The following FAT4 variants were observed in gnomAD, a reference collection of about 807,000 sequenced individuals.
FAT4 encodes the protein FAT atypical cadherin 4.
Under a neutral mutation model 303.9 loss-of-function variants are expected in FAT4, and 84 were observed. The ratio of observed to expected loss-of-function variants is 0.28; its 90% confidence interval spans 0.23 to 0.33. The LOEUF is 0.33. Ranked by LOEUF, FAT4 falls within the 10% of genes least tolerant of loss-of-function variation. The pLI, the probability that FAT4 is intolerant of heterozygous loss-of-function variation, is 1.00. For missense variants in FAT4, 6,005 were observed against 6,146.8 expected (o/e 0.98, Z 0.77); for synonymous variants, 2,307 against 2,298.8 (o/e 1.00, Z -0.10).
chr4:125,337,264 A>ATTTTTTGCTTATATTTT (rs1244555123), intron 2 of FAT4, among the ~76,000 whole-genome samples: 1 of 152,112 alleles, frequency 6.6e-6, no homozygotes, highest in Non-Finnish European at 1.5e-5. Context: ...AGCAAACAGT[A>ATTTTTTGCTTATATTTT]TTTTTGAAGG....
In FAT4 at chr4:125,448,511, T is replaced by C; in HGVS notation, c.7501T>C (p.Ser2501Pro). The C allele has an allele frequency of 6.2e-7, 1 of 1,613,370 alleles. No homozygotes were observed. Among genetic ancestry groups the C allele is most frequent in the Non-Finnish European group, 8.5e-7 (1 of 1,179,584 alleles). ...CACAGATGCTGATATTGGACCAAAT[T>C]CTGAACTGCATTATTCTCTTTCGGG... ...TVTDADIGPNSELHYSLSGRN... is the reference protein window; with the variant it reads ...TVTDADIGPNPELHYSLSGRN... The change falls in exon 10 of 18, where the codon TCT (serine) becomes CCT (proline). Residue 2501 changes from serine to proline, a missense_variant. Physicochemically the swap from Ser to Pro is moderately conservative, Grantham distance 74. Transcript: ENST00000394329.
chr4:125,464,634 C>T (rs748081463), intron 11 of FAT4, among the ~76,000 whole-genome samples: 1 of 152,118 alleles, frequency 6.6e-6, no homozygotes, highest in African/African-American at 2.4e-5. Context: ...TCGTCATTTA[C>T]ATTAGGTATT....
chr4:125,476,226 C>T lies in FAT4; in HGVS notation c.12269C>T (p.Thr4090Ile). ...GAGAACCAAGAGCCAGGATATTGTACTGTCAGTAATGTGGCAGTTTCAGAT... is the reference window on the plus strand; with the variant it reads ...GAGAACCAAGAGCCAGGATATTGTATTGTCAGTAATGTGGCAGTTTCAGAT... ...CSENQEPGYC[T>I]VSNVAVSDDW... is the part of the protein sequence containing the mutation. Residue 4090 changes from threonine (T) to isoleucine (I), a missense_variant, in exon 13 of 18, where the codon ACT (threonine) becomes ATT (isoleucine). Coordinates refer to ENST00000394329, the MANE Select transcript of FAT4 (RefSeq NM_001291303.3). 6.3e-7 allele frequency: 1 copy of T among 1,599,020 alleles called. No homozygotes were observed. The highest frequency in any genetic ancestry group is 8.5e-7 in the Non-Finnish European group (1 of 1,170,028).
intron 12 of FAT4, among the ~76,000 whole-genome samples, chr4:125,471,385 A>G (rs1243131895): frequency 6.6e-6 from 1 of 152,254 alleles, no homozygotes; most frequent in Non-Finnish European, 1.5e-5. Context: ...GGTAAAAAAT[A>G]AAATATCTGC....
rs1730574319 is a variant in FAT4 at position 125,316,164 on chromosome 4, G to A, written c.-13+187G>A. Among the ~76,000 whole-genome samples the A allele has an allele frequency of 6.6e-6, 1 of 152,160 alleles. No homozygotes were observed. Among genetic ancestry groups the A allele is most frequent in the South Asian group, 2.1e-4 (1 of 4,832 alleles). On this transcript the variant is annotated intron_variant, in intron 1 of 17. Coordinates refer to ENST00000394329, the MANE Select transcript of FAT4 (RefSeq NM_001291303.3). This position sits in a 1 kb window ranked among gnomAD's most constrained non-coding sequence, Gnocchi z 5.7. ...TTTTCTGGGAACTCAGCTCACAGGAGTGTCCCGCGGAATGCCCTGCCGCTT... is the reference window on the plus strand; with the variant it reads ...TTTTCTGGGAACTCAGCTCACAGGAATGTCCCGCGGAATGCCCTGCCGCTT...
intron 17 of FAT4, 116 bp from the exon 18 acceptor site, chr4:125,489,785 G>A: frequency 1.1e-5 from 8 of 756,548 alleles, no homozygotes; most frequent in Non-Finnish European, 1.4e-5. Context: ...CTGTATTCAT[G>A]TATTCATATG....
At chr4:125,428,310 T>G (rs1021031551) in intron 7 of FAT4, among the ~76,000 whole-genome samples, 14 of 151,834 alleles carry the variant, frequency 9.2e-5, no homozygotes, top group Admixed American at 8.5e-4. Context: ...AAAAAAAAAG[T>G]CTTATTTTAA....
chr4:125,477,725 T>C (rs969198607), intron 14 of FAT4, among the ~76,000 whole-genome samples: 3 of 152,062 alleles, frequency 2.0e-5, no homozygotes, highest in Admixed American at 1.3e-4. Context: ...ATAGTTTTAC[T>C]TATAGACATA....
At chr4:125,426,487 A>G (rs1278705461) in intron 7 of FAT4, among the ~76,000 whole-genome samples, 1 of 152,028 alleles carries the variant, frequency 6.6e-6, no homozygotes, top group Non-Finnish European at 1.5e-5. Flanking sequence ...ATAACTGGTT[A>G]TTGTTTTAAT....
chr4:125,479,983 T>C (rs1325902151), intron 15 of FAT4, 118 bp downstream of exon 15: 2 of 749,334 alleles, frequency 2.7e-6, no homozygotes, highest in African/African-American at 3.6e-5. Context: ...ATTAAAATAT[T>C]AAATGGACAA....
intron 2 of FAT4, among the ~76,000 whole-genome samples, chr4:125,385,942 C>T (rs1297655255): frequency 1.3e-5 from 2 of 152,082 alleles, no homozygotes; most frequent in Non-Finnish European, 2.9e-5. Flanking sequence ...GCTGAAACAT[C>T]TTATTAAAGA....
At chr4:125,324,375 C>T (rs544389794) in intron 2 of FAT4, among the ~76,000 whole-genome samples, 13 of 152,132 alleles carry the variant, frequency 8.5e-5, no homozygotes, top group Middle Eastern at 6.8e-3. Context: ...TATTTCAGAC[C>T]GTGGCATATT....
In FAT4 at chr4:125,491,023, A is replaced by G; in HGVS notation, c.14207A>G (p.His4736Arg). The G allele has an allele frequency of 6.2e-7, 1 of 1,614,224 alleles. No homozygotes were observed. Among genetic ancestry groups the G allele is most frequent in the Non-Finnish European group, 8.5e-7 (1 of 1,180,034 alleles). ...PIRDGNTLEM[H>R]GDTCQPGIFN... ...AGGGATGGTAATACTTTGGAAATGC[A>G]TGGTGACACCTGCCAACCTGGCATT... The change falls in exon 18 of 18, where the codon CAT becomes CGT. Residue 4736 changes from histidine to arginine, a missense_variant. Coordinates refer to ENST00000394329, the MANE Select transcript of FAT4 (RefSeq NM_001291303.3).
Position 125,490,813 on chromosome 4 carries a change from C to G in FAT4, c.13997C>G (p.Pro4666Arg). The change falls in exon 18 of 18, where the codon CCC becomes CGC. Residue 4666 changes from proline (P) to arginine (R), a missense_variant. Coordinates refer to ENST00000394329, the MANE Select transcript of FAT4 (RefSeq NM_001291303.3). ...HSPLGFARQS[P>R]MPLGASSLTY... ...CCCCTAGGCTTTGCAAGGCAATCCC[C>G]CATGCCCTTAGGAGCAAGCAGTTTG... 1 of 1,614,130 alleles carries G rather than the reference C, an allele frequency of 6.2e-7. No homozygotes were observed. The highest frequency in any genetic ancestry group is 1.3e-5 in the African/African-American group (1 of 75,018).
chr4:125,414,226 A>G (rs1734953352), intron 5 of FAT4, among the ~76,000 whole-genome samples: 2 of 152,252 alleles, frequency 1.3e-5, no homozygotes, highest in East Asian at 3.9e-4. Flanking sequence ...TAAACTAAAA[A>G]ATGACACATG....
chr4:125,352,924 G>A (rs558707450), intron 2 of FAT4, among the ~76,000 whole-genome samples: 1 of 151,890 alleles, frequency 6.6e-6, no homozygotes, highest in East Asian at 1.9e-4. Flanking sequence ...CCATATTGCT[G>A]TTTCCTCAGC....
chr4:125,332,208 G>A, intron 2 of FAT4, among the ~76,000 whole-genome samples: 2 of 142,602 alleles, frequency 1.4e-5, no homozygotes. Context: ...AGCCTGTAAG[G>A]AAGTCAAGCA....
At chr4:125,414,189 C>G (rs1444837946) in intron 5 of FAT4, among the ~76,000 whole-genome samples, 1 of 151,928 alleles carries the variant, frequency 6.6e-6, no homozygotes, top group East Asian at 1.9e-4. Flanking sequence ...CAATCATTTT[C>G]TGAAGTGAGG....
intron 2 of FAT4, chr4:125,393,981 T>C (rs1277181903): frequency 3.8e-6 from 3 of 780,138 alleles, no homozygotes; most frequent in Non-Finnish European, 7.2e-6. Context: ...AGCTCAACCA[T>C]TAGCTGCAGC....
Sources: allele counts gnomAD v4.1 joint callset (sites outside exome capture counted in the v4.1 genomes callset), GRCh38; gene constraint gnomAD v4.1.1; non-coding constraint Gnocchi (gnomAD v3.1); transcripts MANE v1.5; gene names NCBI Gene and HGNC (gene_info 2026-07-23, HGNC 2026-07-21).